TTC9: variants seen among roughly 807,000 people sequenced by gnomAD.
The protein encoded by TTC9 is tetratricopeptide repeat protein 9A.
In TTC9, 13 loss-of-function variants were observed where a neutral mutation model predicts 22.9. The observed-to-expected ratio is 0.57, with a 90% CI of 0.37 to 0.90. The LOEUF (loss-of-function observed/expected upper bound fraction) is 0.90, where lower values mean the gene tolerates loss of function less well. TTC9 is among the 40% of genes least tolerant of loss of function. The pLI is 0.01. For missense variants in TTC9, 280 were observed against 291.8 expected (o/e 0.96, Z 0.29); for synonymous variants, 148 against 133.2 (o/e 1.11, Z -0.77).
intron 1 of TTC9, among the ~76,000 whole-genome samples, chr14:70,646,565 C>T (rs746148483): frequency 3.9e-5 from 6 of 152,178 alleles, no homozygotes; most frequent in Non-Finnish European, 7.3e-5. Context: ...GCTCGAATGC[C>T]AGCAGTAGAG....
At chr14:70,649,775 A>C (rs1299518047) in intron 1 of TTC9, among the ~76,000 whole-genome samples, 1 of 152,224 alleles carries the variant, frequency 6.6e-6, no homozygotes, top group African/African-American at 2.4e-5. Flanking sequence ...CCCATCTTCC[A>C]GTCTTTCCTT....
chr14:70,660,765 C>T (rs185048141), intron 1 of TTC9, among the ~76,000 whole-genome samples: 3 of 152,310 alleles, frequency 2.0e-5, no homozygotes, highest in East Asian at 1.9e-4. Flanking sequence ...TGATCTATAC[C>T]AGTCATTCAA....
At chr14:70,643,481 C>G (rs559972832) in intron 1 of TTC9, among the ~76,000 whole-genome samples, 133 of 152,322 alleles carry the variant, frequency 8.7e-4, no homozygotes, top group Non-Finnish European at 1.5e-3. Context: ...GCATTCTCTC[C>G]TCTTCTCTTG....
At chr14:70,653,661 C>T (rs1594736886) in intron 1 of TTC9, among the ~76,000 whole-genome samples, 1 of 152,192 alleles carries the variant, frequency 6.6e-6, no homozygotes, top group African/African-American at 2.4e-5. Context: ...CTCAGTTAGA[C>T]AGTGCCTGTT....
chr14:70,658,619 T>C (rs1886098648), intron 1 of TTC9, among the ~76,000 whole-genome samples: 1 of 151,954 alleles, frequency 6.6e-6, no homozygotes, highest in African/African-American at 2.4e-5. Context: ...CAAAATTGCC[T>C]GATCTCAGTT....
chr14:70,652,519 C>G (rs889714796), intron 1 of TTC9, among the ~76,000 whole-genome samples: 1 of 152,222 alleles, frequency 6.6e-6, no homozygotes, highest in Non-Finnish European at 1.5e-5. Flanking sequence ...AGCCATTCAG[C>G]ATCAGAAACC....
At position 70,642,397 on chromosome 14, in the gene TTC9, C is replaced by G. The variant is rs1300803411; in HGVS notation, c.268C>G (p.Leu90Val). 8 of 1,602,040 alleles carry G rather than the reference C, an allele frequency of 5.0e-6. No individual in the cohort carries two copies. Among genetic ancestry groups the G allele is most frequent in the African/African-American group, 1.3e-5 (1 of 74,184 alleles). ...YHRALLELKG[L>V]LPPPGERERD... ...CCGGGCGTTGCTGGAGCTGAAGGGG[C>G]TGCTGCCGCCCCCCGGGGAACGGGA... Residue 90 changes from leucine (L) to valine (V), a missense_variant, in exon 1 of 3, where the codon CTG becomes GTG. By Grantham distance (32) the Leu-to-Val change is conservative. Around this residue, in one of 5 missense-constraint regions of TTC9, gnomAD observed 165 missense variants for 145.4 expected, o/e 1.14. Coordinates refer to ENST00000256367, the MANE Select transcript of TTC9 (RefSeq NM_015351.2).
chr14:70,656,888 A>C (rs529942264), intron 1 of TTC9, among the ~76,000 whole-genome samples: 11 of 152,282 alleles, frequency 7.2e-5, no homozygotes, highest in Admixed American at 1.3e-4. Context: ...TGTCCTACCA[A>C]CTTTTCACTA....
intron 1 of TTC9, 88 bp from the exon 2 acceptor site, chr14:70,667,476 C>A: frequency 1.4e-6 from 2 of 1,463,680 alleles, no homozygotes; most frequent in Admixed American, 1.9e-5. Context: ...CCCAACCCTG[C>A]TAAACCTCTG....
intron 1 of TTC9, among the ~76,000 whole-genome samples, chr14:70,662,054 T>C (rs1402329059): frequency 6.6e-6 from 1 of 152,224 alleles, no homozygotes; most frequent in Non-Finnish European, 1.5e-5. Flanking sequence ...ACAATTTGGC[T>C]GATTCCAGGC....
chr14:70,671,003 CTT>C, intron 2 of TTC9, 71 bp from the exon 3 acceptor site: 1 of 1,448,882 alleles, frequency 6.9e-7, no homozygotes, highest in South Asian at 1.2e-5. Context: ...CAGACACAGC[CTT>C]TGCTAATTCC....
In TTC9 at chr14:70,673,025, C is replaced by T. The variant is rs1886318558; in HGVS notation, c.*1870C>T. 6.6e-6 allele frequency: 1 copy of T among 152,150 alleles called. No individual in the cohort carries two copies. The highest frequency in any genetic ancestry group is 2.4e-5 in the African/African-American group (1 of 41,408). 9.4% of individuals were successfully genotyped at this position (152,150 alleles called of 1,614,324 possible). ...GCCTCCTTATGTATTTACTCAAGGG[C>T]CCCAAAAGACCAGAGGCCAGAATCC... is the stretch of plus-strand genomic sequence containing the variant. On this transcript the variant is annotated 3_prime_UTR_variant, in exon 3 of 3. Coordinates refer to ENST00000256367, the MANE Select transcript of TTC9 (RefSeq NM_015351.2).
At chr14:70,645,643 T>G (rs1375814447) in intron 1 of TTC9, among the ~76,000 whole-genome samples, 1 of 152,176 alleles carries the variant, frequency 6.6e-6, no homozygotes, top group African/African-American at 2.4e-5. Flanking sequence ...TGAGATATCT[T>G]TTCCCCTGTG....
chr14:70,643,610 G>A (rs1019315585), intron 1 of TTC9, among the ~76,000 whole-genome samples: 1 of 152,218 alleles, frequency 6.6e-6, no homozygotes, highest in Non-Finnish European at 1.5e-5. Context: ...AGCAGGGTAG[G>A]GGTGGAAGAG....
intron 1 of TTC9, among the ~76,000 whole-genome samples, chr14:70,646,491 A>G (rs1466228893): frequency 1.3e-5 from 2 of 152,244 alleles, no homozygotes; most frequent in African/African-American, 2.4e-5. Context: ...TGGCCCTAGC[A>G]GAAGTGTGAT....
At chr14:70,670,518 C>T (rs541206125) in intron 2 of TTC9, among the ~76,000 whole-genome samples, 5 of 152,000 alleles carry the variant, frequency 3.3e-5, no homozygotes, top group Non-Finnish European at 5.9e-5. Flanking sequence ...ATTAGCTGGG[C>T]GCAGTGGGAT....
chr14:70,663,572 CT>C (rs1227536035), intron 1 of TTC9, among the ~76,000 whole-genome samples: 1 of 152,214 alleles, frequency 6.6e-6, no homozygotes, highest in Non-Finnish European at 1.5e-5. Context: ...TCCCATTATA[CT>C]TTAGATCAAG....
Position 70,674,224 on chromosome 14 carries a change from C to T in TTC9, c.*3069C>T, listed in dbSNP as rs900500671. 6.6e-5 allele frequency: 10 copies of T among 152,162 alleles called. No individual in the cohort carries two copies. Among genetic ancestry groups the T allele is most frequent in the Admixed American group, 2.0e-4 (3 of 15,272 alleles). 9.4% of individuals were successfully genotyped at this position (152,162 alleles called of 1,614,324 possible). On this transcript the variant is annotated 3_prime_UTR_variant, in exon 3 of 3. Transcript: ENST00000256367. ...TCAGGCATCTGACCTGCACTGTCAT[C>T]CCCTGCCTGGACTTTTGCGATGGAC...
chr14:70,658,482 C>T (rs995245616), intron 1 of TTC9, among the ~76,000 whole-genome samples: 1 of 152,148 alleles, frequency 6.6e-6, no homozygotes, highest in South Asian at 2.1e-4. Flanking sequence ...GATGATTGTA[C>T]CTGTAGATCT....
Sources: allele counts gnomAD v4.1 joint callset (sites outside exome capture counted in the v4.1 genomes callset), GRCh38; gene constraint gnomAD v4.1.1; regional missense constraint gnomAD v4.1.1; transcripts MANE v1.5; gene names NCBI Gene and HGNC (gene_info 2026-07-23, HGNC 2026-07-21).